ZUP1: variants seen among roughly 807,000 people sequenced by gnomAD.
ZUP1 encodes the protein zinc finger containing ubiquitin peptidase 1, also known as zinc finger-containing ubiquitin peptidase 1.
ZUP1 carries 55 observed loss-of-function variants against 68.1 expected under a neutral mutation model. The ratio of observed to expected loss-of-function variants is 0.81; its 90% confidence interval spans 0.65 to 1.01. The LOEUF is 1.01. ZUP1 is among the 50% of genes least tolerant of loss of function. The pLI, the probability that ZUP1 is intolerant of heterozygous loss-of-function variation, is 0.00. For synonymous variants in ZUP1, 223 were observed against 221.5 expected, an observed-to-expected ratio of 1.01 and a Z score of -0.06; for missense variants, 684 against 674.9, an observed-to-expected ratio of 1.01 and a Z score of -0.15.
chr6:116,645,757 T>C lies in ZUP1; in HGVS notation c.1646A>G (p.Gln549Arg). 6.2e-7 allele frequency: 1 copy of C among 1,613,868 alleles called. No individual in the cohort carries two copies. Among genetic ancestry groups the C allele is most frequent in the Non-Finnish European group, 8.5e-7 (1 of 1,179,920 alleles). Reference sequence around the variant, plus strand: ...AAGAGCACCCTCTACTGCCAATATCTGGTATTGCTTATGTTTTAAATTTCC... The same window carrying C: ...AAGAGCACCCTCTACTGCCAATATCCGGTATTGCTTATGTTTTAAATTTCC... ...SMGNLKHKQY[Q>R]ILAVEGALSL... Residue 549 changes from glutamine (Q) to arginine (R), a missense_variant, in exon 9 of 10, where the codon CAG becomes CGG. By Grantham distance (43) the Gln-to-Arg change is conservative. Coordinates refer to ENST00000368576, the MANE Select transcript of ZUP1 (RefSeq NM_145062.3).
At chr6:116,656,254 A>AT (rs879574524) in intron 5 of ZUP1, among the ~76,000 whole-genome samples, 33 of 149,662 alleles carry the variant, frequency 2.2e-4, no homozygotes, top group African/African-American at 7.1e-4. Flanking sequence ...TAATTTTGTA[A>AT]TTTTTTTTTA....
Position 116,656,824 on chromosome 6 carries a change from C to T in ZUP1, c.821G>A (p.Gly274Glu), listed in dbSNP as rs1776682112. Residue 274 changes from glycine (G) to glutamate (E), a missense_variant, in exon 5 of 10, where the codon GGA becomes GAA. Gly to Glu is a moderately conservative substitution (Grantham distance 98). Transcript: ENST00000368576. ...QRQYGLDNSG[G>E]YKQQQLRNME... ...ATTTCGTAGTTGTTGTTGTTTGTAT[C>T]CTCCAGAATTATCTAAACCATATTG... is the stretch of plus-strand genomic sequence containing the variant. The T allele has an allele frequency of 1.2e-6, 2 of 1,605,260 alleles. No individual in the cohort carries two copies. Among genetic ancestry groups the T allele is most frequent in the Non-Finnish European group, 8.5e-7 (1 of 1,175,188 alleles).
At chr6:116,661,627 G>A (rs1432728354) in intron 2 of ZUP1, among the ~76,000 whole-genome samples, 3 of 152,164 alleles carry the variant, frequency 2.0e-5, no homozygotes, top group Non-Finnish European at 4.4e-5. Context: ...AACAGAAATT[G>A]TTCCTCTATA....
intron 8 of ZUP1, among the ~76,000 whole-genome samples, chr6:116,646,806 G>T (rs771890947): frequency 4.6e-5 from 7 of 152,142 alleles, no homozygotes; most frequent in Non-Finnish European, 8.8e-5. Context: ...AAACTGCTGG[G>T]CTCAAGCAAT....
chr6:116,666,958 T>G lies in ZUP1; in HGVS notation c.235A>C (p.Asn79His), dbSNP rs144766522. Residue 79 changes from asparagine to histidine, a missense_variant, in exon 2 of 10, where the codon AAC becomes CAC. Asn to His is a moderately conservative substitution (Grantham distance 68). Transcript: ENST00000368576. ...ACTTCCATTCCACACTGTAGGGTGT[T>G]GTCTTTCTTGTTATCTGAAGTTCCA... ...QYGTSDNKKD[N>H]TLQCGMEVNS... The G allele has an allele frequency of 3.4e-4, 541 of 1,613,760 alleles. 2 individuals are homozygous for G. In the African/African-American group the frequency reaches 6.7e-3, roughly 20 times the overall value.
chr6:116,655,754 C>A (rs981367971), intron 5 of ZUP1, among the ~76,000 whole-genome samples: 5 of 152,130 alleles, frequency 3.3e-5, no homozygotes, highest in Non-Finnish European at 5.9e-5. Context: ...GCAACAGTGA[C>A]CTCATTTGGA....
intron 7 of ZUP1, 68 bp downstream of exon 7, chr6:116,651,504 A>G (rs1776490786): frequency 7.2e-7 from 1 of 1,393,596 alleles, no homozygotes; most frequent in Non-Finnish European, 9.6e-7. Flanking sequence ...TTTGCTAAAA[A>G]ATAAAATTTT....
intron 9 of ZUP1, among the ~76,000 whole-genome samples, chr6:116,645,360 C>A (rs529483534): frequency 6.6e-6 from 1 of 151,872 alleles, no homozygotes; most frequent in Non-Finnish European, 1.5e-5. Flanking sequence ...GTGGGCAGAT[C>A]GCTTGAGCCT....
At chr6:116,643,552 A>G (rs1386429131) in intron 9 of ZUP1, among the ~76,000 whole-genome samples, 1 of 152,210 alleles carries the variant, frequency 6.6e-6, no homozygotes, top group Non-Finnish European at 1.5e-5. Flanking sequence ...CAACTATCTG[A>G]TCTTTGACAA....
At chr6:116,655,578 A>G (rs2114262359) in intron 5 of ZUP1, among the ~76,000 whole-genome samples, 1 of 152,340 alleles carries the variant, frequency 6.6e-6, no homozygotes, top group East Asian at 1.9e-4. Flanking sequence ...TCTGGGTGAC[A>G]GTAACAAAGT....
chr6:116,637,188 C>CA (rs1461035114), intron 9 of ZUP1, among the ~76,000 whole-genome samples: 2 of 152,130 alleles, frequency 1.3e-5, no homozygotes, highest in Non-Finnish European at 2.9e-5. Context: ...GCTCCAGATG[C>CA]AAACTGCCTA....
intron 2 of ZUP1, among the ~76,000 whole-genome samples, chr6:116,666,072 A>G (rs986092931): frequency 1.3e-5 from 2 of 152,220 alleles, no homozygotes; most frequent in Admixed American, 6.5e-5. Flanking sequence ...TAGAACTACT[A>G]GACAGTACTA....
intron 2 of ZUP1, among the ~76,000 whole-genome samples, chr6:116,664,218 G>T (rs1331616771): frequency 6.6e-6 from 1 of 152,126 alleles, no homozygotes; most frequent in Non-Finnish European, 1.5e-5. Flanking sequence ...ATCATCTGAG[G>T]TTAGGAGTTC....
chr6:116,656,876 C>CA, intron 4 of ZUP1, 24 bp from the exon 5 acceptor site: 1 of 1,499,798 alleles, frequency 6.7e-7, no homozygotes, highest in Non-Finnish European at 9.0e-7. Context: ...AAATAAATGA[C>CA]TTAATTTTTA....
rs547136651 is a variant in ZUP1, at chr6:116,659,762, A to T, written c.671-838T>A. Among the ~76,000 whole-genome samples, 25 of 152,316 alleles carry T rather than the reference A, an allele frequency of 1.6e-4. 2 individuals carry two copies. In the South Asian group the frequency reaches 5.0e-3, roughly 30 times the overall value. Reference sequence around the variant, plus strand: ...ATCTTCTCTACTCGGTGTCCCCCAGATCCATTTGTCAGTGGCTTCTGGCCA... The same window carrying T: ...ATCTTCTCTACTCGGTGTCCCCCAGTTCCATTTGTCAGTGGCTTCTGGCCA... On this transcript the variant is annotated intron_variant, in intron 3 of 9. Coordinates refer to ENST00000368576, the MANE Select transcript of ZUP1 (RefSeq NM_145062.3).
At chr6:116,651,849 G>A (rs904670703) in intron 6 of ZUP1, 112 bp from the exon 7 acceptor site, 2 of 1,412,522 alleles carry the variant, frequency 1.4e-6, no homozygotes, top group African/African-American at 1.4e-5. Context: ...AGTTATTCCT[G>A]ACATCTTCTA....
chr6:116,655,410 G>C (rs1245846890), intron 5 of ZUP1, among the ~76,000 whole-genome samples: 2 of 152,172 alleles, frequency 1.3e-5, no homozygotes, highest in Non-Finnish European at 2.9e-5. Context: ...AAGCATGTAT[G>C]AGACTGATAA....
rs748359686 is a variant in ZUP1, at chr6:116,645,712, A to C, written c.1689+2T>G. 2.5e-6 allele frequency: 4 copies of C among 1,588,470 alleles called. No individual in the cohort carries two copies. Among genetic ancestry groups the C allele is most frequent in the African/African-American group, 2.7e-5 (2 of 73,748 alleles). ...TTCACATATAAATATTTAGATACTT[A>C]CAAGTTTCTCCTCTAGAGAAAGAGC... On this transcript the variant is annotated splice_donor_variant, in intron 9 of 9. Coordinates refer to ENST00000368576, the MANE Select transcript of ZUP1 (RefSeq NM_145062.3). LOFTEE classifies it high-confidence loss of function.
rs557608502 is a variant in ZUP1 at position 116,636,573 on chromosome 6, G to T, written c.1690-694C>A. ...ACATCTAGAACAGAGTCTGAAATTA[G>T]TAGACACTCAAAACATATCTATGGC... is the stretch of plus-strand genomic sequence containing the variant. On this transcript the variant is annotated intron_variant, in intron 9 of 9. Transcript: ENST00000368576. 4.5e-4 allele frequency among the ~76,000 whole-genome samples: 69 copies of T among 152,154 alleles called. 1 individual carries two copies. Among genetic ancestry groups the T allele is most frequent in the Non-Finnish European group, 7.2e-4 (49 of 67,976 alleles).
Sources: gnomAD v4.1 joint callset for allele counts (sites outside exome capture counted in the v4.1 genomes callset) on GRCh38, gnomAD v4.1.1 for gene constraint, MANE v1.5 for transcripts, NCBI Gene and HGNC (gene_info 2026-07-23, HGNC 2026-07-21) for gene names.